ATP10B: variants seen among roughly 807,000 people sequenced by gnomAD.
ATP10B encodes phospholipid-transporting ATPase VB.
ATP10B carries 122 observed loss-of-function variants against 141.2 expected under a neutral mutation model. The observed-to-expected ratio is 0.86, with a 90% CI of 0.75 to 1.00. The LOEUF is 1.00. ATP10B is among the 50% of genes least tolerant of loss of function. The probability of loss-of-function intolerance (pLI) is 0.00; values close to 1 mark genes in which losing one functional copy is unlikely to be tolerated. For synonymous variants in ATP10B, 685 were observed against 692.0 expected, an observed-to-expected ratio of 0.99 and a Z score of 0.16; for missense variants, 1,876 against 1,825.3, an observed-to-expected ratio of 1.03 and a Z score of -0.51.
At chr5:160,788,258 A>G (rs1210616320) in intron 1 of ATP10B, among the ~76,000 whole-genome samples, 1 of 152,128 alleles carries the variant, frequency 6.6e-6, no homozygotes, top group Non-Finnish European at 1.5e-5. Context: ...GTAAACCTTA[A>G]TGAATTGCTC....
At chr5:160,702,743 A>T (rs1764750348) in intron 3 of ATP10B, among the ~76,000 whole-genome samples, 1 of 152,210 alleles carries the variant, frequency 6.6e-6, no homozygotes. Flanking sequence ...ATTATACAAG[A>T]TTACAAGTTC....
At chr5:160,721,135 CT>C (rs1765973338) in intron 2 of ATP10B, among the ~76,000 whole-genome samples, 1 of 152,106 alleles carries the variant, frequency 6.6e-6, no homozygotes, top group Non-Finnish European at 1.5e-5. Context: ...ACACATCTTG[CT>C]TTTTTTGAAT....
At chr5:160,639,356 A>C (rs1306978586) in intron 10 of ATP10B, among the ~76,000 whole-genome samples, 1 of 152,214 alleles carries the variant, frequency 6.6e-6, no homozygotes, top group South Asian at 2.1e-4. Flanking sequence ...ATATGGCCAA[A>C]GGGCTTTGCA....
chr5:160,687,676 A>G, intron 5 of ATP10B, 124 bp downstream of exon 5: 1 of 1,134,562 alleles, frequency 8.8e-7, no homozygotes, highest in Non-Finnish European at 1.2e-6. Flanking sequence ...GAGGTGGGAG[A>G]TTCCCTTGAA....
chr5:160,785,422 T>G (rs1771065352), intron 2 of ATP10B, 137 bp downstream of exon 2: 1 of 329,862 alleles, frequency 3.0e-6, no homozygotes, highest in African/African-American at 2.2e-5. Flanking sequence ...GCGGTGGTGT[T>G]TTTTTTGTTC....
intron 6 of ATP10B, among the ~76,000 whole-genome samples, chr5:160,671,114 G>A (rs1269513703): frequency 2.9e-5 from 4 of 136,824 alleles, no homozygotes; most frequent in Admixed American, 8.2e-5. Context: ...GCAGTGAGCC[G>A]AGATTGCGCC....
At chr5:160,912,324 C>T in the ATP10B span, among the ~76,000 whole-genome samples, 1 of 151,260 alleles carries the variant, frequency 6.6e-6, no homozygotes, top group African/African-American at 2.4e-5. Flanking sequence ...CGCCTATAAT[C>T]CCAGCACTTT....
At chr5:160,808,906 G>A (rs1486754492) in intron 1 of ATP10B, among the ~76,000 whole-genome samples, 2 of 152,114 alleles carry the variant, frequency 1.3e-5, no homozygotes, top group South Asian at 2.1e-4. Context: ...TCCTTCTGGG[G>A]GCTGTGAGGA....
chr5:160,814,203 C>T (rs1400905893), intron 1 of ATP10B, among the ~76,000 whole-genome samples: 7 of 152,108 alleles, frequency 4.6e-5, no homozygotes, highest in South Asian at 2.1e-4. Context: ...GGAGGAAGTT[C>T]GAACCCATGG....
intron 6 of ATP10B, among the ~76,000 whole-genome samples, chr5:160,681,738 T>A (rs1763412506): frequency 1.3e-5 from 2 of 152,208 alleles, no homozygotes; most frequent in African/African-American, 4.8e-5. Flanking sequence ...AATAGAACTT[T>A]AGGTTTCAAA....
chr5:160,757,907 C>A (rs576155224), intron 2 of ATP10B, among the ~76,000 whole-genome samples: 1 of 152,240 alleles, frequency 6.6e-6, no homozygotes, highest in African/African-American at 2.4e-5. Context: ...GGCCTCTACC[C>A]ATGAGATGCC....
chr5:160,591,138 C>A lies in ATP10B; in HGVS notation c.3566G>T (p.Cys1189Phe). 6.2e-7 allele frequency: 1 copy of A among 1,613,316 alleles called. No individual in the cohort carries two copies. The highest frequency in any genetic ancestry group is 8.5e-7 in the Non-Finnish European group (1 of 1,179,612). Residue 1189 changes from cysteine to phenylalanine, a missense_variant and splice_region_variant, in exon 23 of 26, where the codon TGC (cysteine) becomes TTC (phenylalanine). Cys to Phe is a radical substitution (Grantham distance 205). Transcript: ENST00000327245. ...ELYKSGQNSE[C>F]YNLSTFWISM... ...AATCCAGAAAGTCGACAGGTTATAG[C>A]ACTGCCAGGAGAGAACACACCAATA...
the ATP10B span, among the ~76,000 whole-genome samples, chr5:160,858,046 C>T: frequency 1.3e-4 from 20 of 151,562 alleles, no homozygotes; most frequent in Middle Eastern, 3.4e-3. Context: ...TTTTTATATT[C>T]GATTTTTTAT....
chr5:160,750,613 T>G (rs918254513), intron 2 of ATP10B, among the ~76,000 whole-genome samples: 3 of 152,240 alleles, frequency 2.0e-5, no homozygotes, highest in Admixed American at 6.5e-5. Context: ...CATCACTGTT[T>G]GGCTACAGAA....
upstream of ATP10B, among the ~76,000 whole-genome samples, chr5:160,852,880 G>A (rs1753878138): frequency 6.7e-6 from 1 of 149,556 alleles, no homozygotes; most frequent in Non-Finnish European, 1.5e-5. Flanking sequence ...AAGGTAGAAT[G>A]AGCAGTAAGT....
chr5:160,803,048 G>A (rs1772497365), intron 1 of ATP10B, among the ~76,000 whole-genome samples: 1 of 152,158 alleles, frequency 6.6e-6, no homozygotes, highest in Non-Finnish European at 1.5e-5. Context: ...GCTATCATGG[G>A]CTTTCTCCGT....
intron 2 of ATP10B, among the ~76,000 whole-genome samples, chr5:160,727,342 T>C (rs1766433620): frequency 6.6e-6 from 1 of 152,168 alleles, no homozygotes; most frequent in South Asian, 2.1e-4. Context: ...CACACAGGTA[T>C]AAGTGGTACA....
chr5:160,617,247 C>T (rs1232247405), intron 16 of ATP10B, among the ~76,000 whole-genome samples: 1 of 152,236 alleles, frequency 6.6e-6, no homozygotes, highest in Non-Finnish European at 1.5e-5. Context: ...TCACTGCCTG[C>T]CTGCCTTGCA....
At chr5:160,645,242 G>A (rs563876588) in intron 8 of ATP10B, among the ~76,000 whole-genome samples, 6 of 152,152 alleles carry the variant, frequency 3.9e-5, no homozygotes, top group Non-Finnish European at 8.8e-5. Flanking sequence ...AAGGGAACTG[G>A]CTTCTGGCCT....
Sources: allele counts gnomAD v4.1 joint callset (sites outside exome capture counted in the v4.1 genomes callset), GRCh38; gene constraint gnomAD v4.1.1; transcripts MANE v1.5; gene names NCBI Gene and HGNC (gene_info 2026-07-23, HGNC 2026-07-21).